The following NEK1 variants were observed in gnomAD, a reference collection of about 807,000 sequenced individuals.
NEK1 encodes the protein NIMA related kinase 1, also known as serine/threonine-protein kinase Nek1.
NEK1 carries 137 observed loss-of-function variants against 182.1 expected under a neutral mutation model. That is an observed-to-expected ratio of 0.75 (90% CI 0.65 to 0.87). NEK1 has a LOEUF of 0.87. Among genes scored for constraint, NEK1 ranks in the 40% least tolerant of loss-of-function variants. The pLI, the probability that NEK1 is intolerant of heterozygous loss-of-function variation, is 0.00. For synonymous variants in NEK1, 513 were observed against 492.2 expected (o/e 1.04, Z -0.56); for missense variants, 1,391 against 1,494.4 (o/e 0.93, Z 1.14).
At chr4:169,433,187 G>A (rs1407818393) in intron 29 of NEK1, among the ~76,000 whole-genome samples, 2 of 152,018 alleles carry the variant, frequency 1.3e-5, no homozygotes, top group Admixed American at 6.6e-5. Flanking sequence ...AGTCTCTCAA[G>A]CAGCTGGGAC....
intron 27 of NEK1, among the ~76,000 whole-genome samples, chr4:169,441,920 C>T (rs569453424): frequency 2.6e-4 from 40 of 152,180 alleles, no homozygotes; most frequent in South Asian, 2.1e-4. Context: ...CACCTCTGTC[C>T]GCCACCACAG....
chr4:169,586,320 T>C (rs1457184480), intron 9 of NEK1, among the ~76,000 whole-genome samples: 4 of 152,032 alleles, frequency 2.6e-5, no homozygotes, highest in African/African-American at 9.7e-5. Context: ...ATTACAAAAG[T>C]TCTACTAAAT....
At chr4:169,439,895 C>A (rs1173049313) in intron 27 of NEK1, among the ~76,000 whole-genome samples, 2 of 147,636 alleles carry the variant, frequency 1.4e-5, no homozygotes, top group Admixed American at 6.8e-5. Flanking sequence ...GCTCTGTCAC[C>A]CAGTGCGGTG....
intron 11 of NEK1, among the ~76,000 whole-genome samples, chr4:169,577,788 A>T (rs553800338): frequency 3.2e-4 from 48 of 151,942 alleles, no homozygotes; most frequent in African/African-American, 7.5e-4. Context: ...AATAGTTTTT[A>T]AAAAATTCAC....
intron 23 of NEK1, among the ~76,000 whole-genome samples, chr4:169,504,478 C>A (rs1440890193): frequency 6.6e-6 from 1 of 152,124 alleles, no homozygotes; most frequent in Non-Finnish European, 1.5e-5. Flanking sequence ...TGGAAGCAAC[C>A]TAATTGTCCA....
At chr4:169,571,675 GA>G (rs1455540916) in intron 12 of NEK1, among the ~76,000 whole-genome samples, 3 of 152,104 alleles carry the variant, frequency 2.0e-5, no homozygotes, top group Non-Finnish European at 4.4e-5. Flanking sequence ...TAGCAAATGA[GA>G]CTTGGAAAGG....
chr4:169,424,895 C>G, intron 30 of NEK1, 95 bp from the exon 31 acceptor site: 1 of 1,275,210 alleles, frequency 7.8e-7, no homozygotes, highest in Non-Finnish European at 1.0e-6. Flanking sequence ...CAAATTCTAG[C>G]AAAAAACCCA....
intron 29 of NEK1, among the ~76,000 whole-genome samples, chr4:169,432,430 A>T (rs2149406888): frequency 6.6e-6 from 1 of 152,338 alleles, no homozygotes; most frequent in African/African-American, 2.4e-5. Flanking sequence ...ATAAAAAGTT[A>T]TTCATTGCAG....
chr4:169,499,934 C>G (rs1023927711), intron 23 of NEK1, among the ~76,000 whole-genome samples: 4 of 152,212 alleles, frequency 2.6e-5, no homozygotes, highest in Non-Finnish European at 5.9e-5. Context: ...AGCTGTCAGA[C>G]AGGGACATTT....
intron 2 of NEK1, among the ~76,000 whole-genome samples, chr4:169,605,095 T>C (rs1771117910): frequency 6.6e-6 from 1 of 152,204 alleles, no homozygotes; most frequent in Non-Finnish European, 1.5e-5. Flanking sequence ...AATTAAATAA[T>C]AGCCATATAA....
chr4:169,470,143 G>T (rs1745683162), intron 26 of NEK1, among the ~76,000 whole-genome samples: 2 of 152,066 alleles, frequency 1.3e-5, no homozygotes, highest in African/African-American at 4.8e-5. Flanking sequence ...GGTTAATATT[G>T]ATATGTGTGA....
At chr4:169,602,197 T>G in intron 3 of NEK1, 93 bp from the exon 4 acceptor site, 1 of 840,586 alleles carries the variant, frequency 1.2e-6, no homozygotes, top group Non-Finnish European at 2.0e-6. Flanking sequence ...CATAATAGTA[T>G]TAATACAGTT....
chr4:169,515,500 CTT>C lies in NEK1; in HGVS notation c.1666-6650_1666-6649del, dbSNP rs199732218. Among the ~76,000 whole-genome samples the C allele has an allele frequency of 8.0e-3, 1,135 of 141,652 alleles. 11 individuals carry two copies. The highest frequency in any genetic ancestry group is 0.024 in the African/African-American group (926 of 38,528). The allele number at this position is 141,652 out of a possible 152,430, so 92.9% of individuals were successfully genotyped here. On this transcript the variant is annotated intron_variant, in intron 19 of 35. Coordinates refer to ENST00000507142, the MANE Select transcript of NEK1 (RefSeq NM_001199397.3). ...TACATATTTAGGATTGCAATAACTTCTTTTTTTTTTTTTTATTATACTCTAAG... is the reference window on the plus strand; with the variant it reads ...TACATATTTAGGATTGCAATAACTTCTTTTTTTTTTTTATTATACTCTAAG...
Position 169,512,521 on chromosome 4 carries a change from A to G in NEK1, c.1666-3669T>C, listed in dbSNP as rs960493230. ...TTTCTAAATATAAGCCTTTTGTTGG[A>G]TAAGTGCTATACAAACATTTCTCTC... is the stretch of plus-strand genomic sequence containing the variant. On this transcript the variant is annotated intron_variant, in intron 19 of 35. Coordinates refer to ENST00000507142, the MANE Select transcript of NEK1 (RefSeq NM_001199397.3). Among the ~76,000 whole-genome samples the G allele has an allele frequency of 2.0e-5, 3 of 151,958 alleles. 1 individual carries two copies. Among genetic ancestry groups the G allele is most frequent in the African/African-American group, 7.2e-5 (3 of 41,388 alleles).
intron 19 of NEK1, among the ~76,000 whole-genome samples, chr4:169,513,966 GTTATTTAT>G (rs35041721): frequency 6.8e-4 from 99 of 144,628 alleles, no homozygotes; most frequent in African/African-American, 5.3e-4. Context: ...GAGGATTTTT[GTTATTTAT>G]TTATTTATTT....
chr4:169,527,633 G>A (rs1188412162), intron 19 of NEK1, among the ~76,000 whole-genome samples: 3 of 151,870 alleles, frequency 2.0e-5, no homozygotes, highest in Admixed American at 2.0e-4. Flanking sequence ...AACCCCTAGA[G>A]CAACCACAAA....
At chr4:169,438,039 T>A (rs576003337) in intron 28 of NEK1, 44 bp downstream of exon 28, 37 of 1,463,484 alleles carry the variant, frequency 2.5e-5, no homozygotes, top group Non-Finnish European at 3.1e-5. Context: ...AATTTAAGTT[T>A]TTACTAAATC....
chr4:169,599,234 C>T lies in NEK1; in HGVS notation c.215-37G>A, dbSNP rs537660689. On this transcript the variant is annotated intron_variant, in intron 4 of 35. Transcript: ENST00000507142. ...AAACATTACAGTCCACTTTTAAAAA[C>T]GTACATCAAAAGCATGGCTAAATTA... 4.5e-5 allele frequency: 65 copies of T among 1,447,284 alleles called. 1 individual carries two copies. In the South Asian group the frequency reaches 5.3e-4, roughly 12 times the overall value. The allele number at this position is 1,447,284 out of a possible 1,614,324, so 89.7% of individuals were successfully genotyped here. A position where few individuals can be genotyped will look rare whatever the true frequency, so the allele number is the denominator to read the frequency against.
In NEK1 at chr4:169,426,233, A is replaced by T. The variant is rs781585144; in HGVS notation, c.2887T>A (p.Ser963Thr). Residue 963 changes from serine to threonine, a missense_variant and splice_region_variant, in exon 30 of 36, where the codon TCG (serine) becomes ACG (threonine). By Grantham distance (58) the Ser-to-Thr change is moderately conservative (BLOSUM62 1). Around this residue, in one of 5 missense-constraint regions of NEK1, gnomAD observed 1,216 missense variants for 1,277.6 expected, o/e 0.95. Transcript: ENST00000507142. ...SEEKETKETQ[S>T]ADRITIQENE... ...TCCTGAATGGTGATCCTATCTGCCGACCTGCCACAGATGGGTACACCAATT... is the reference window on the plus strand; with the variant it reads ...TCCTGAATGGTGATCCTATCTGCCGTCCTGCCACAGATGGGTACACCAATT... The T allele has an allele frequency of 6.2e-7, 1 of 1,612,224 alleles. No individual in the cohort carries two copies. Among genetic ancestry groups the T allele is most frequent in the East Asian group, 2.2e-5 (1 of 44,840 alleles).
Sources: gnomAD v4.1 joint callset for allele counts (sites outside exome capture counted in the v4.1 genomes callset) on GRCh38, gnomAD v4.1.1 for gene constraint, gnomAD v4.1.1 regional missense constraint, MANE v1.5 for transcripts, NCBI Gene and HGNC (gene_info 2026-07-23, HGNC 2026-07-21) for gene names.